The following MTOR variants were observed in gnomAD, a reference collection of about 807,000 sequenced individuals.
MTOR encodes the protein serine/threonine-protein kinase mTOR.
MTOR carries 70 observed loss-of-function variants against 319.8 expected under a neutral mutation model. That is an observed-to-expected ratio of 0.22 (90% CI 0.18 to 0.27). The LOEUF (loss-of-function observed/expected upper bound fraction) is 0.27, where lower values mean the gene tolerates loss of function less well. Among genes scored for constraint, MTOR ranks in the 10% least tolerant of loss-of-function variants. The pLI is 1.00. For missense variants in MTOR, 1,890 were observed against 3,274.4 expected (o/e 0.58, Z 10.32); for synonymous variants, 1,183 against 1,211.4 (o/e 0.98, Z 0.49).
At chr1:11,243,443 AC>A in intron 8 of MTOR, 143 bp from the exon 9 acceptor site, 2 of 747,498 alleles carry the variant, frequency 2.7e-6, no homozygotes, top group Non-Finnish European at 4.2e-6. Flanking sequence ...TGTAATCCCA[AC>A]ACTTTGGGAG....
chr1:11,179,309 G>A (rs1354351005), intron 28 of MTOR, among the ~76,000 whole-genome samples: 1 of 152,060 alleles, frequency 6.6e-6, no homozygotes, highest in Non-Finnish European at 1.5e-5. Flanking sequence ...CAGAGCACTG[G>A]GACACAGTGT....
At position 11,243,274 on chromosome 1, in the gene MTOR, T is replaced by G; in HGVS notation, c.1252A>C (p.Asn418His). The G allele has an allele frequency of 6.2e-7, 1 of 1,614,152 alleles. No homozygotes were observed. The highest frequency in any genetic ancestry group is 8.5e-7 in the Non-Finnish European group (1 of 1,180,016). ...TDTQYLQDTM[N>H]HVLSCVKKEK... ...TTCTTGACACAGCTTAGGACATGGT[T>G]CATGGTATCTTGGAGATACTGGGTA... Residue 418 changes from asparagine (N) to histidine (H), a missense_variant, in exon 9 of 58, where the codon AAC becomes CAC. By Grantham distance (68) the Asn-to-His change is moderately conservative. Around this residue, in one of 15 missense-constraint regions of MTOR, gnomAD observed 418 missense variants for 543.1 expected, o/e 0.77. Coordinates refer to ENST00000361445, the MANE Select transcript of MTOR (RefSeq NM_004958.4).
At chr1:11,145,467 C>G (rs944513209) in intron 32 of MTOR, among the ~76,000 whole-genome samples, 3 of 152,050 alleles carry the variant, frequency 2.0e-5, no homozygotes, top group Non-Finnish European at 4.4e-5. Context: ...GTCTCCACCT[C>G]CCGGGTTCAA....
At chr1:11,168,054 A>G (rs2100612610) in intron 28 of MTOR, among the ~76,000 whole-genome samples, 1 of 150,628 alleles carries the variant, frequency 6.6e-6, no homozygotes, top group South Asian at 2.1e-4. Flanking sequence ...TGGGGGACAG[A>G]GTGAGACACT....
chr1:11,194,720 G>A, intron 28 of MTOR: 4 of 1,609,484 alleles, frequency 2.5e-6, no homozygotes, highest in East Asian at 2.2e-5. Context: ...CCCACTTGAG[G>A]AGAAAGAGTG....
chr1:11,204,674 T>C lies in MTOR; in HGVS notation c.3831A>G (p.Lys1277=). ...KAWGAARRVS[K]DDWLEWLRRL... ...GTCTCAGCCATTCCAGCCAGTCATC[T>C]TTGGAGACCCTCCTGGCAGCGCCCC... Residue 1277 remains lysine, a synonymous_variant, in exon 26 of 58, where the codon AAA becomes AAG. Transcript: ENST00000361445. The C allele has an allele frequency of 6.2e-7, 1 of 1,614,206 alleles. No homozygotes were observed. Among genetic ancestry groups the C allele is most frequent in the Non-Finnish European group, 8.5e-7 (1 of 1,180,026 alleles).
rs562890696 is a variant in MTOR at position 11,221,567 on chromosome 1, C to T, written c.3031-5333G>A. On this transcript the variant is annotated intron_variant, in intron 19 of 57. Transcript: ENST00000361445. ...AGGTTTGAGTGAAATATACTTGATA[C>T]GCTTGGAGTAATTTTTTTCCGCCAG... 1.1e-4 allele frequency among the ~76,000 whole-genome samples: 16 copies of T among 151,468 alleles called. No homozygotes were observed. The South Asian group carries it at 1.9e-3, about 18-fold the overall frequency.
chr1:11,183,451 A>G (rs1216891887), intron 28 of MTOR, among the ~76,000 whole-genome samples: 1 of 151,918 alleles, frequency 6.6e-6, no homozygotes, highest in African/African-American at 2.4e-5. Flanking sequence ...CAATCTTTTT[A>G]TTGTGCTACC....
chr1:11,192,221 A>C (rs1645566131), intron 28 of MTOR: 1 of 1,383,284 alleles, frequency 7.2e-7, no homozygotes, highest in Non-Finnish European at 1.0e-6. Flanking sequence ...CTCAACTCAG[A>C]TGGAGCCACT....
rs753583030 is a variant in MTOR at position 11,212,336 on chromosome 1, T to C, written c.3537A>G (p.Ser1179=). The C allele has an allele frequency of 4.3e-5, 70 of 1,613,856 alleles. No homozygotes were observed. The highest frequency in any genetic ancestry group is 5.7e-5 in the Non-Finnish European group (67 of 1,179,954). The change falls in exon 23 of 58, where the codon TCA becomes TCG. Residue 1179 remains serine (S), a synonymous_variant. Coordinates refer to ENST00000361445, the MANE Select transcript of MTOR (RefSeq NM_004958.4). This position sits in a 1 kb window ranked among gnomAD's most constrained non-coding sequence, Gnocchi z 4.1. Reference sequence around the variant, plus strand: ...CCTTCTTCCCCAGCTGAAAAACAAGTGAAGACAGCGTGTCCATGGCTGTGG... The same window carrying C: ...CCTTCTTCCCCAGCTGAAAAACAAGCGAAGACAGCGTGTCCATGGCTGTGG... ...LRSTAMDTLS[S]LVFQLGKKYQ... is the part of the protein sequence containing the mutation.
At position 11,106,550 on chromosome 1, in the gene MTOR, G is replaced by C; in HGVS notation, c.*935C>G. On this transcript the variant is annotated 3_prime_UTR_variant, in exon 58 of 58. Transcript: ENST00000361445. ...CTCATATACATATGTTTAAAATTCTGATGTCATTTATTGGCACAAAAATTA... is the reference window on the plus strand; with the variant it reads ...CTCATATACATATGTTTAAAATTCTCATGTCATTTATTGGCACAAAAATTA... 9.4e-7 allele frequency: 1 copy of C among 1,059,022 alleles called. No homozygotes were observed. Among genetic ancestry groups the C allele is most frequent in the Non-Finnish European group, 1.1e-6 (1 of 870,636 alleles). The allele number at this position is 1,059,022 out of a possible 1,614,324, so 65.6% of individuals were successfully genotyped here. A position where few individuals can be genotyped will look rare whatever the true frequency, so the allele number is the denominator to read the frequency against.
chr1:11,141,119 CTTCT>C (rs1643680287), intron 34 of MTOR, among the ~76,000 whole-genome samples: 3 of 151,614 alleles, frequency 2.0e-5, no homozygotes, highest in Non-Finnish European at 2.9e-5. Context: ...CTTAGAAATT[CTTCT>C]TTCTTTTTTT....
At chr1:11,176,031 A>G (rs138550981) in intron 28 of MTOR, among the ~76,000 whole-genome samples, 8 of 152,282 alleles carry the variant, frequency 5.3e-5, no homozygotes, top group African/African-American at 1.9e-4. Context: ...TACAGGCATG[A>G]GCCACTGTGC....
intron 29 of MTOR, among the ~76,000 whole-genome samples, chr1:11,159,150 T>C (rs1043606282): frequency 2.0e-5 from 3 of 152,180 alleles, no homozygotes; most frequent in Admixed American, 6.5e-5. Flanking sequence ...GGAGTCCTTG[T>C]CTCAATCAGC....
rs1557482604 is a variant in MTOR, at chr1:11,247,856, C to T, written c.1079G>A (p.Arg360Gln). 7 of 1,613,816 alleles carry T rather than the reference C, an allele frequency of 4.3e-6. No individual in the cohort carries two copies. The highest frequency in any genetic ancestry group is 5.9e-6 in the Non-Finnish European group (7 of 1,179,878). Reference protein sequence around the residue: ...SPAKSTLVESRCCRDLMEEKF... With the variant: ...SPAKSTLVESQCCRDLMEEKF... ...CTCCTCCATCAAGTCTCTGCAACACCGGCTCTCCACCAGGGTGGACTTAGC... is the reference window on the plus strand; with the variant it reads ...CTCCTCCATCAAGTCTCTGCAACACTGGCTCTCCACCAGGGTGGACTTAGC... Residue 360 changes from arginine to glutamine, a missense_variant, in exon 7 of 58, where the codon CGG becomes CAG. By Grantham distance (43) the Arg-to-Gln change is conservative (BLOSUM62 1). Around this residue, in one of 15 missense-constraint regions of MTOR, gnomAD observed 418 missense variants for 543.1 expected, o/e 0.77. Coordinates refer to ENST00000361445, the MANE Select transcript of MTOR (RefSeq NM_004958.4).
chr1:11,237,126 T>C (rs1340789885), intron 13 of MTOR, among the ~76,000 whole-genome samples: 1 of 152,008 alleles, frequency 6.6e-6, no homozygotes, highest in Non-Finnish European at 1.5e-5. Context: ...CAGTGAGCAA[T>C]GGGGACAGGA....
intron 30 of MTOR, among the ~76,000 whole-genome samples, chr1:11,152,064 T>C (rs1044901240): frequency 6.6e-6 from 1 of 152,210 alleles, no homozygotes; most frequent in Admixed American, 6.5e-5. Context: ...ACCATGCAGC[T>C]GTGTGGGAAC....
intron 3 of MTOR, among the ~76,000 whole-genome samples, chr1:11,258,007 G>C (rs1323761127): frequency 6.6e-6 from 1 of 151,964 alleles, no homozygotes; most frequent in Non-Finnish European, 1.5e-5. Context: ...CTACTCGGGA[G>C]GCTGAGGCAC....
intron 46 of MTOR, 39 bp from the exon 47 acceptor site, chr1:11,124,672 G>A: frequency 6.3e-7 from 1 of 1,579,980 alleles, no homozygotes; most frequent in Non-Finnish European, 8.7e-7. Flanking sequence ...TACATCAGAG[G>A]TCCTCAGCTC....
Sources: gnomAD v4.1 joint callset for allele counts (sites outside exome capture counted in the v4.1 genomes callset) on GRCh38, gnomAD v4.1.1 for gene constraint, gnomAD v4.1.1 regional missense constraint, Gnocchi (gnomAD v3.1) non-coding constraint, MANE v1.5 for transcripts, NCBI Gene and HGNC (gene_info 2026-07-23, HGNC 2026-07-21) for gene names.